The following RNF111 variants were observed in gnomAD, a reference collection of about 807,000 sequenced individuals.
RNF111 encodes ring finger protein 111, also known as E3 ubiquitin-protein ligase Arkadia.
A neutral mutation model predicts 95.1 loss-of-function variants in RNF111; 17 were observed. The ratio of observed to expected loss-of-function variants is 0.18; its 90% confidence interval spans 0.12 to 0.27. The LOEUF (loss-of-function observed/expected upper bound fraction) is 0.27. Among genes scored for constraint, RNF111 ranks in the 10% least tolerant of loss-of-function variants. RNF111 has a pLI of 1.00. For missense variants in RNF111, 1,189 were observed against 1,210.4 expected (o/e 0.98, Z 0.26); for synonymous variants, 440 against 414.8 (o/e 1.06, Z -0.74).
chr15:59,081,227 C>G lies in RNF111; in HGVS notation c.2240C>G (p.Pro747Arg). ...GCACCTCCAGCACAGAGACTGCATCCTCATGAAGTGATGCAGAGGATGGAA... is the reference window on the plus strand; with the variant it reads ...GCACCTCCAGCACAGAGACTGCATCGTCATGAAGTGATGCAGAGGATGGAA... ...ATAPPAQRLH[P>R]HEVMQRMEVQ... Residue 747 changes from proline to arginine, a missense_variant, in exon 8 of 14, where the codon CCT becomes CGT. Pro to Arg is a moderately radical substitution (Grantham distance 103, BLOSUM62 -2). Around this residue, in one of 2 missense-constraint regions of RNF111, gnomAD observed 1,024 missense variants for 925.9 expected, o/e 1.11. Coordinates refer to ENST00000348370, the MANE Select transcript of RNF111 (RefSeq NM_017610.8). The G allele has an allele frequency of 6.2e-7, 1 of 1,614,144 alleles. No homozygotes were observed. The highest frequency in any genetic ancestry group is 8.5e-7 in the Non-Finnish European group (1 of 1,180,030).
intron 1 of RNF111, among the ~76,000 whole-genome samples, chr15:58,989,793 C>T (rs2038730667): frequency 6.6e-6 from 1 of 151,996 alleles, no homozygotes; most frequent in Non-Finnish European, 1.5e-5. Flanking sequence ...TTAGCAGATA[C>T]TCCTAGTTAT....
At chr15:59,087,698 A>G (rs2078936803) in intron 10 of RNF111, among the ~76,000 whole-genome samples, 4 of 152,216 alleles carry the variant, frequency 2.6e-5, no homozygotes, top group African/African-American at 9.6e-5. Context: ...AGTAAGCTGA[A>G]GAGTAGGAAA....
chr15:59,092,723 A>G, intron 13 of RNF111, 83 bp downstream of exon 13: 1 of 1,339,994 alleles, frequency 7.5e-7, no homozygotes, highest in Non-Finnish European at 1.0e-6. Flanking sequence ...ACCGGGCATG[A>G]TGGCTCACAC....
intron 2 of RNF111, among the ~76,000 whole-genome samples, chr15:59,036,196 G>A (rs1226725295): frequency 6.6e-6 from 1 of 152,044 alleles, no homozygotes; most frequent in Non-Finnish European, 1.5e-5. Flanking sequence ...TAGCTGGGAT[G>A]ACAGGCCTGC....
At chr15:59,032,609 A>G (rs1489569614) in intron 2 of RNF111, among the ~76,000 whole-genome samples, 1 of 151,978 alleles carries the variant, frequency 6.6e-6, no homozygotes, top group African/African-American at 2.4e-5. Context: ...TTTTGTAGAG[A>G]TGGGTTTTGC....
At chr15:59,062,862 C>T (rs1328179188) in intron 5 of RNF111, among the ~76,000 whole-genome samples, 1 of 152,192 alleles carries the variant, frequency 6.6e-6, no homozygotes, top group African/African-American at 2.4e-5. Context: ...ATAGTTCTTA[C>T]AGTGGGAGGT....
intron 1 of RNF111, among the ~76,000 whole-genome samples, chr15:58,995,102 C>G (rs2038999806): frequency 6.6e-6 from 1 of 152,174 alleles, no homozygotes. Flanking sequence ...GTGGGGATAA[C>G]TTTGAGATAG....
intron 6 of RNF111, among the ~76,000 whole-genome samples, chr15:59,071,298 CAAAAA>C (rs35775103): frequency 4.2e-5 from 4 of 95,018 alleles, no homozygotes; most frequent in Admixed American, 1.1e-4. Context: ...GACTCCATCT[CAAAAA>C]AAAAAAAAAA....
rs1157285302 is a variant in RNF111, at chr15:59,084,033, A to G, written c.2298-96A>G. ...TTTTATGACTAATCTATAGATGTTTATAGTATTAATACTAGGGATTTTTTT... is the reference window on the plus strand; with the variant it reads ...TTTTATGACTAATCTATAGATGTTTGTAGTATTAATACTAGGGATTTTTTT... On this transcript the variant is annotated intron_variant, in intron 8 of 13. Transcript: ENST00000348370. The G allele has an allele frequency of 5.0e-6, 5 of 999,588 alleles. No individual in the cohort carries two copies. In the Admixed American group the frequency reaches 1.6e-4, roughly 31 times the overall value. The allele number at this position is 999,588 out of a possible 1,614,324, so 61.9% of individuals were successfully genotyped here. A position where few individuals can be genotyped will look rare whatever the true frequency, so the allele number is the denominator to read the frequency against.
At chr15:59,089,639 A>T in intron 10 of RNF111, 28 bp from the exon 11 acceptor site, 1 of 1,523,426 alleles carries the variant, frequency 6.6e-7, no homozygotes, top group Non-Finnish European at 9.1e-7. Context: ...CTTAAAATTG[A>T]TTTAGCCTAT....
chr15:59,002,303 T>C (rs1487719876), intron 1 of RNF111, among the ~76,000 whole-genome samples: 1 of 152,230 alleles, frequency 6.6e-6, no homozygotes, highest in Non-Finnish European at 1.5e-5. Context: ...AAAGATCAAC[T>C]CTTAAACTTC....
chr15:58,997,399 G>T (rs1489724916), intron 1 of RNF111, among the ~76,000 whole-genome samples: 4 of 152,002 alleles, frequency 2.6e-5, no homozygotes, highest in African/African-American at 9.7e-5. Flanking sequence ...GTTGACATTT[G>T]CACTGATGGT....
intron 1 of RNF111, among the ~76,000 whole-genome samples, chr15:59,019,557 A>ATTCTTGTCAGGCTG (rs6145580): frequency 0.45 from 67,619 of 151,776 alleles, 16,240 homozygotes; most frequent in African/African-American, 0.63. Context: ...TTTATACACC[A>ATTCTTGTCAGGCTG]TTCTTGTCAG....
At chr15:58,988,502 A>G (rs1337653338) in intron 1 of RNF111, 3 of 152,356 alleles carry the variant, frequency 2.0e-5, no homozygotes, top group African/African-American at 4.8e-5. Flanking sequence ...AGTCCGCGGA[A>G]CAGCTGAAAT....
At chr15:59,071,690 CAAA>C (rs1208515921) in intron 6 of RNF111, among the ~76,000 whole-genome samples, 7 of 119,602 alleles carry the variant, frequency 5.9e-5, no homozygotes, top group Non-Finnish European at 3.6e-5. Context: ...GATCCTGTCG[CAAA>C]AAAAAAAAAA....
intron 1 of RNF111, among the ~76,000 whole-genome samples, chr15:58,995,460 C>T (rs1469706147): frequency 8.1e-6 from 1 of 122,742 alleles, no homozygotes; most frequent in Non-Finnish European, 1.8e-5. Flanking sequence ...TTAACATAAC[C>T]TCTTGTTTTT....
rs149003993 is a variant in RNF111 at position 59,031,523 on chromosome 15, T to C, written c.701T>C (p.Met234Thr). ...RTQKQKERIL[M>T]QRKKREVLAR... Reference sequence around the variant, plus strand: ...CAGAAACAAAAAGAGAGGATATTAATGCAGAGGAAGAAACGAGAAGTGTTA... The same window carrying C: ...CAGAAACAAAAAGAGAGGATATTAACGCAGAGGAAGAAACGAGAAGTGTTA... Residue 234 changes from methionine to threonine, a missense_variant, in exon 2 of 14, where the codon ATG (methionine) becomes ACG (threonine). Physicochemically the swap from Met to Thr is moderately conservative, Grantham distance 81 (BLOSUM62 -1). This residue lies in a region of RNF111 where 1,024 missense variants were observed against 925.9 expected (regional missense o/e 1.11). Transcript: ENST00000348370. 2.5e-6 allele frequency: 4 copies of C among 1,614,100 alleles called. No individual in the cohort carries two copies. The highest frequency in any genetic ancestry group is 2.5e-6 in the Non-Finnish European group (3 of 1,180,036).
At chr15:59,041,877 T>G (rs2041468304) in intron 2 of RNF111, among the ~76,000 whole-genome samples, 1 of 152,094 alleles carries the variant, frequency 6.6e-6, no homozygotes, top group Non-Finnish European at 1.5e-5. Context: ...CTTTTATTTT[T>G]TTTAATGTGT....
chr15:59,075,645 G>T (rs1352358967), intron 6 of RNF111, among the ~76,000 whole-genome samples: 1 of 152,110 alleles, frequency 6.6e-6, no homozygotes, highest in Non-Finnish European at 1.5e-5. Context: ...AGATGTATTT[G>T]TTATAAGACA....
Sources: allele counts gnomAD v4.1 joint callset (sites outside exome capture counted in the v4.1 genomes callset), GRCh38; gene constraint gnomAD v4.1.1; regional missense constraint gnomAD v4.1.1; transcripts MANE v1.5; gene names NCBI Gene and HGNC (gene_info 2026-07-23, HGNC 2026-07-21).